Variants in BRF1 observed in about 807,000 individuals in gnomAD.
The protein encoded by BRF1 is transcription factor IIIB 90 kDa subunit.
Under a neutral mutation model 81.7 loss-of-function variants are expected in BRF1, and 59 were observed. The ratio of observed to expected loss-of-function variants is 0.72; its 90% CI spans 0.59 to 0.90. The LOEUF is 0.90. BRF1 is among the 40% of genes least tolerant of loss of function. The pLI is 0.00. For missense variants in BRF1, 1,050 were observed against 936.3 expected (o/e 1.12, Z -1.58); for synonymous variants, 491 against 395.6 (o/e 1.24, Z -2.86).
intron 6 of BRF1, among the ~76,000 whole-genome samples, chr14:105,229,628 TC>T (rs2054402566): frequency 6.6e-6 from 1 of 151,070 alleles, no homozygotes; most frequent in Admixed American, 6.6e-5. Flanking sequence ...ACTAGAACAG[TC>T]GCCCAGCTGG....
At chr14:105,218,771 A>G (rs1310472813) in intron 14 of BRF1, among the ~76,000 whole-genome samples, 3 of 151,918 alleles carry the variant, frequency 2.0e-5, no homozygotes, top group African/African-American at 7.3e-5. Flanking sequence ...CCCAAAGCTG[A>G]GCACACGCCC....
upstream of BRF1, among the ~76,000 whole-genome samples, chr14:105,303,539 G>A (rs2058095638): frequency 6.6e-6 from 1 of 152,172 alleles, no homozygotes. Context: ...CATCGCGCCT[G>A]GCCTTTTCCT....
chr14:105,248,720 G>A, intron 5 of BRF1: 1 of 982,310 alleles, frequency 1.0e-6, no homozygotes, highest in Non-Finnish European at 1.2e-6. Flanking sequence ...CCATGCTGCT[G>A]CCCCTAGCCT....
intron 3 of BRF1, among the ~76,000 whole-genome samples, chr14:105,257,184 T>C (rs941653456): frequency 1.3e-5 from 2 of 152,186 alleles, no homozygotes; most frequent in African/African-American, 2.4e-5. Context: ...AAAACTCACA[T>C]GGATACATAA....
At chr14:105,308,907 T>C (rs73357391) in intron 1 of BRF1, among the ~76,000 whole-genome samples, 11,432 of 151,870 alleles carry the variant, frequency 0.075, 1,463 homozygotes, top group African/African-American at 0.26. Context: ...CCAGGAGATC[T>C]GGCCTACAGT....
intron 4 of BRF1, chr14:105,256,129 A>G: frequency 1.5e-6 from 2 of 1,355,112 alleles, no homozygotes; most frequent in Non-Finnish European, 1.9e-6. Flanking sequence ...CATCTCATAA[A>G]TAAATAAATA....
At chr14:105,249,326 G>C (rs1312270240) in intron 5 of BRF1, 3 of 1,599,342 alleles carry the variant, frequency 1.9e-6, no homozygotes, top group Non-Finnish European at 2.6e-6. Flanking sequence ...GCCTGCGGGA[G>C]AGCCAGGCTC....
intron 1 of BRF1, among the ~76,000 whole-genome samples, chr14:105,289,047 A>AAG (rs1472378842): frequency 2.0e-5 from 3 of 151,604 alleles, no homozygotes; most frequent in African/African-American, 7.3e-5. Flanking sequence ...AAAAAAAAAA[A>AAG]AAAAAGAAGC....
Position 105,221,861 on chromosome 14 carries a change from C to G in BRF1, c.1102G>C (p.Glu368Gln). 6.2e-7 allele frequency: 1 copy of G among 1,603,778 alleles called. No homozygotes were observed. The highest frequency in any genetic ancestry group is 8.5e-7 in the Non-Finnish European group (1 of 1,175,768). Residue 368 changes from glutamate to glutamine, a missense_variant, in exon 11 of 18, where the codon GAG becomes CAG. Transcript: ENST00000547530. ...TGGCTGGCCGCGGCTTCCAGCTCCT[C>G]GTCCTCTGTGTCCTCCTCGCCACAC... ...SLCGEEDTEDEELEAAASHLN... is the reference protein window; with the variant it reads ...SLCGEEDTEDQELEAAASHLN...
chr14:105,241,530 C>A (rs1008170566), intron 5 of BRF1, 116 bp from the exon 6 acceptor site: 2 of 1,341,562 alleles, frequency 1.5e-6, no homozygotes, highest in Admixed American at 2.0e-5. Flanking sequence ...CCCCCAGGCC[C>A]CCCACCAGTT....
chr14:105,220,217 G>C, intron 11 of BRF1, 87 bp from the exon 12 acceptor site: 1 of 1,523,928 alleles, frequency 6.6e-7, no homozygotes, highest in Admixed American at 1.7e-5. Context: ...CAGGACCCTG[G>C]GTCTGGGCTA....
At chr14:105,219,922 G>C in intron 12 of BRF1, 147 bp downstream of exon 12, 1 of 835,380 alleles carries the variant, frequency 1.2e-6, no homozygotes, top group Non-Finnish European at 1.9e-6. Flanking sequence ...CCCGGGAACA[G>C]TGGCCAGAAG....
In BRF1 at chr14:105,284,212, G is replaced by A. The variant is rs375892264; in HGVS notation, c.265+2084C>T. 1.3e-5 allele frequency among the ~76,000 whole-genome samples: 2 copies of A among 152,266 alleles called. No homozygotes were observed. Among genetic ancestry groups the A allele is most frequent in the Admixed American group, 6.5e-5 (1 of 15,308 alleles). On this transcript the variant is annotated intron_variant, in intron 2 of 17. Coordinates refer to ENST00000547530, the MANE Select transcript of BRF1 (RefSeq NM_001519.4). This position sits in a 1 kb window ranked among gnomAD's most constrained non-coding sequence, Gnocchi z 4.0. The stretch of plus-strand genomic sequence containing the variant: ...GGCCACGGCTCGAAGCATTTCCGAA[G>A]ACTGAAATCACACAGAGGGTGCTCT...
chr14:105,303,056 G>A (rs1448949659), upstream of BRF1, among the ~76,000 whole-genome samples: 3 of 151,920 alleles, frequency 2.0e-5, no homozygotes, highest in Non-Finnish European at 4.4e-5. Flanking sequence ...AGCCTCCCAA[G>A]TAGCTGGAAT....
At chr14:105,292,794 A>T (rs1013490888) in intron 1 of BRF1, among the ~76,000 whole-genome samples, 2 of 151,474 alleles carry the variant, frequency 1.3e-5, no homozygotes, top group African/African-American at 4.9e-5. Context: ...CCATGCGCAC[A>T]CCCCTTCCCA....
At position 105,271,347 on chromosome 14, in the gene BRF1, C is replaced by T. The variant is rs587617780; in HGVS notation, c.439+1374G>A. On this transcript the variant is annotated intron_variant, in intron 3 of 17. Transcript: ENST00000547530. The surrounding 1 kb of genome is among the most constrained non-coding windows in gnomAD (Gnocchi z 5.5). The stretch of plus-strand genomic sequence containing the variant: ...GATTAGAGGCAAGGAGCTGAAGCCC[C>T]GCAGCTGCACAGCAAGGGCCAGGAG... Among the ~76,000 whole-genome samples, 2 of 152,346 alleles carry T rather than the reference C, an allele frequency of 1.3e-5. No homozygotes were observed. The highest frequency in any genetic ancestry group is 2.1e-4 in the South Asian group (1 of 4,830).
At chr14:105,250,161 C>G in intron 5 of BRF1, 1 of 1,612,906 alleles carries the variant, frequency 6.2e-7, no homozygotes, top group African/African-American at 1.3e-5. Flanking sequence ...CTGTGGTACA[C>G]GGCCACCAAC....
chr14:105,219,268 C>T (rs753022334), intron 12 of BRF1, 36 bp from the exon 13 acceptor site: 1 of 1,605,108 alleles, frequency 6.2e-7, no homozygotes. Context: ...TGGCTTTTAG[C>T]CTTCGCACAC....
In BRF1 at chr14:105,210,715, C is replaced by T. The variant is rs1234564288; in HGVS notation, c.1997-127G>A. The T allele has an allele frequency of 2.6e-5, 29 of 1,099,978 alleles. No individual in the cohort carries two copies. Among genetic ancestry groups the T allele is most frequent in the Middle Eastern group, 2.8e-4 (1 of 3,608 alleles). The allele number at this position is 1,099,978 out of a possible 1,614,324, so 68.1% of individuals were successfully genotyped here. A position where few individuals can be genotyped will look rare whatever the true frequency, so the allele number is the denominator to read the frequency against. ...CTCCAGCCCCAGCCCCAGCCCCCCGCGCCCCGCCAGGAGCCATCTTGGGCT... is the reference window on the plus strand; with the variant it reads ...CTCCAGCCCCAGCCCCAGCCCCCCGTGCCCCGCCAGGAGCCATCTTGGGCT... On this transcript the variant is annotated intron_variant, in intron 17 of 17. Transcript: ENST00000547530. The surrounding 1 kb of genome is among the most constrained non-coding windows in gnomAD (Gnocchi z 4.7).
Sources: allele counts gnomAD v4.1 joint callset (sites outside exome capture counted in the v4.1 genomes callset), GRCh38; gene constraint gnomAD v4.1.1; non-coding constraint Gnocchi (gnomAD v3.1); transcripts MANE v1.5; gene names NCBI Gene and HGNC (gene_info 2026-07-23, HGNC 2026-07-21).